The following VRK1 variants were observed in gnomAD, a reference collection of about 807,000 sequenced individuals.
VRK1 encodes the protein VRK serine/threonine kinase 1.
VRK1 carries 33 observed loss-of-function variants against 57.1 expected under a neutral mutation model. The observed-to-expected ratio is 0.58, with a 90% CI of 0.44 to 0.77. VRK1 has a LOEUF of 0.77. Among genes scored for constraint, VRK1 ranks in the 30% least tolerant of loss-of-function variants. VRK1 has a pLI of 0.00. For missense variants in VRK1, 413 were observed against 477.3 expected, an observed-to-expected ratio of 0.87 and a Z score of 1.25; for synonymous variants, 137 against 147.8, an observed-to-expected ratio of 0.93 and a Z score of 0.53.
chr14:96,830,179 G>A (rs2139740880), intron 1 of VRK1, among the ~76,000 whole-genome samples: 1 of 152,194 alleles, frequency 6.6e-6, no homozygotes, highest in South Asian at 2.1e-4. Flanking sequence ...ATATCTTGGT[G>A]ATGGTCATTC....
At chr14:96,848,975 A>T (rs1456904651) in intron 5 of VRK1, among the ~76,000 whole-genome samples, 1 of 152,182 alleles carries the variant, frequency 6.6e-6, no homozygotes, top group South Asian at 2.1e-4. Context: ...ATAGACTTTT[A>T]TTCTACTGTA....
intron 12 of VRK1, among the ~76,000 whole-genome samples, chr14:96,876,872 G>C (rs1478444047): frequency 6.6e-6 from 1 of 151,686 alleles, no homozygotes; most frequent in Non-Finnish European, 1.5e-5. Flanking sequence ...ACTTCCAATA[G>C]TTCCAGAAAT....
At chr14:96,830,333 G>T (rs2139741142) in intron 1 of VRK1, among the ~76,000 whole-genome samples, 1 of 151,408 alleles carries the variant, frequency 6.6e-6, no homozygotes, top group Non-Finnish European at 1.5e-5. Context: ...ATGTATGTTG[G>T]TTTTTTTGTG....
chr14:96,798,257 C>A (rs1329296061), intron 1 of VRK1, among the ~76,000 whole-genome samples: 1 of 152,198 alleles, frequency 6.6e-6, no homozygotes, highest in Non-Finnish European at 1.5e-5. Context: ...CAGCTCCATT[C>A]AGGGGCAACG....
At chr14:96,865,973 T>C (rs1447760688) in intron 11 of VRK1, among the ~76,000 whole-genome samples, 2 of 152,146 alleles carry the variant, frequency 1.3e-5, no homozygotes, top group African/African-American at 2.4e-5. Context: ...AAATGTAGTT[T>C]TTTAAGCCTC....
At chr14:96,824,948 C>T (rs774339482) in intron 1 of VRK1, among the ~76,000 whole-genome samples, 15 of 151,974 alleles carry the variant, frequency 9.9e-5, no homozygotes, top group East Asian at 1.9e-4. Context: ...CCACCGCACC[C>T]GGCCAAAAAC....
In VRK1 at chr14:96,856,430, T is replaced by C. The variant is rs143510836; in HGVS notation, c.831-98T>C. On this transcript the variant is annotated intron_variant, in intron 9 of 12. Coordinates refer to ENST00000216639, the MANE Select transcript of VRK1 (RefSeq NM_003384.3). Reference sequence around the variant, plus strand: ...TTAGAAAAATGTCTGTAAGCATATTTAGGATGTAGCACAATATAGCTTAAT... The same window carrying C: ...TTAGAAAAATGTCTGTAAGCATATTCAGGATGTAGCACAATATAGCTTAAT... 71 of 1,361,212 alleles carry C rather than the reference T, an allele frequency of 5.2e-5. No homozygotes were observed. In the African/African-American group the frequency reaches 7.8e-4, roughly 15 times the overall value. 84.3% of individuals were successfully genotyped at this position (1,361,212 alleles called of 1,614,324 possible).
At chr14:96,866,669 T>C (rs1472158436) in intron 11 of VRK1, among the ~76,000 whole-genome samples, 1 of 152,100 alleles carries the variant, frequency 6.6e-6, no homozygotes, top group African/African-American at 2.4e-5. Context: ...GGCTTAAGTC[T>C]TTTCTCCCCC....
intron 1 of VRK1, among the ~76,000 whole-genome samples, chr14:96,799,848 C>G (rs539355283): frequency 1.3e-5 from 2 of 151,892 alleles, no homozygotes; most frequent in African/African-American, 2.4e-5. Context: ...GCAGAGATCA[C>G]GTGCCCCCTA....
chr14:96,797,766 G>A (rs959755023), intron 1 of VRK1, among the ~76,000 whole-genome samples: 1 of 152,204 alleles, frequency 6.6e-6, no homozygotes, highest in Non-Finnish European at 1.5e-5. Context: ...GCTCGCAAAC[G>A]CCGCCTCGGG....
chr14:96,833,668 A>T (rs1390251511), intron 2 of VRK1, 37 bp downstream of exon 2: 1 of 1,612,558 alleles, frequency 6.2e-7, no homozygotes, highest in East Asian at 2.2e-5. Context: ...CAATCCAAAG[A>T]TTTATATGTT....
At position 96,822,898 on chromosome 14, in the gene VRK1, C is replaced by G. The variant is rs1285112115; in HGVS notation, c.-5-10569C>G. 3.3e-5 allele frequency among the ~76,000 whole-genome samples: 5 copies of G among 152,202 alleles called. No individual in the cohort carries two copies. In the South Asian group the frequency reaches 8.3e-4, roughly 25 times the overall value. The stretch of plus-strand genomic sequence containing the variant: ...TTGGGACTTGATCTCCTGCTTCCCC[C>G]TTGCTCACGCCACACCAGCCACACT... On this transcript the variant is annotated intron_variant, in intron 1 of 12. Coordinates refer to ENST00000216639, the MANE Select transcript of VRK1 (RefSeq NM_003384.3).
At chr14:96,833,173 T>C (rs566807678) in intron 1 of VRK1, among the ~76,000 whole-genome samples, 18 of 152,326 alleles carry the variant, frequency 1.2e-4, no homozygotes, top group African/African-American at 3.8e-4. Context: ...AGAGCAATTC[T>C]TTGTTGTTAT....
intron 1 of VRK1, among the ~76,000 whole-genome samples, chr14:96,799,947 CT>C (rs776080402): frequency 0.1 from 12,998 of 130,092 alleles, 661 homozygotes; most frequent in Non-Finnish European, 0.14. Flanking sequence ...TAGTGTACGT[CT>C]TTTTTTTTTT....
At position 96,865,046 on chromosome 14, in the gene VRK1, A is replaced by G. The variant is rs542570546; in HGVS notation, c.1068+4311A>G. Reference sequence around the variant, plus strand: ...GGTGTTTAATCTTTTCACTCTTAATATGGTATCTTTTAATGAATAGAATCT... The same window carrying G: ...GGTGTTTAATCTTTTCACTCTTAATGTGGTATCTTTTAATGAATAGAATCT... On this transcript the variant is annotated intron_variant, in intron 11 of 12. Transcript: ENST00000216639. 1.3e-4 allele frequency among the ~76,000 whole-genome samples: 20 copies of G among 152,208 alleles called. No individual in the cohort carries two copies. The South Asian group carries it at 3.5e-3, about 27-fold the overall frequency.
chr14:96,803,550 A>G (rs1052254209), intron 1 of VRK1, among the ~76,000 whole-genome samples: 5 of 152,158 alleles, frequency 3.3e-5, no homozygotes, highest in South Asian at 2.1e-4. Context: ...AAGCTTCATC[A>G]TAAGTATGTC....
intron 1 of VRK1, among the ~76,000 whole-genome samples, chr14:96,808,019 G>GTTTCTCTCTCTCCC: frequency 2.9e-5 from 1 of 34,282 alleles, no homozygotes; most frequent in African/African-American, 7.3e-5. Flanking sequence ...CTCTCCCTCT[G>GTTTCTCTCTCTCCC]TGTGTGTGTG....
intron 1 of VRK1, among the ~76,000 whole-genome samples, chr14:96,805,258 T>A (rs891339840): frequency 6.6e-6 from 1 of 152,192 alleles, no homozygotes; most frequent in African/African-American, 2.4e-5. Context: ...AAATTGCAGC[T>A]TTAAGGTTTT....
intron 5 of VRK1, among the ~76,000 whole-genome samples, chr14:96,850,742 G>T (rs934890131): frequency 1.3e-5 from 2 of 152,118 alleles, no homozygotes; most frequent in Non-Finnish European, 2.9e-5. Context: ...TGAAATGTTG[G>T]CACCAGAAGT....
Sources: allele counts gnomAD v4.1 joint callset (sites outside exome capture counted in the v4.1 genomes callset), GRCh38; gene constraint gnomAD v4.1.1; transcripts MANE v1.5; gene names NCBI Gene and HGNC (gene_info 2026-07-23, HGNC 2026-07-21).